Variants in CCDC127 observed in about 807,000 individuals in gnomAD.
CCDC127 encodes coiled-coil domain-containing protein 127.
In CCDC127, 2 loss-of-function variants were observed where a neutral mutation model predicts 4.1. The observed-to-expected ratio is 0.49, with a 90% CI of 0.20 to 1.53. CCDC127 has a LOEUF of 1.53. CCDC127 is among the 40% of genes most tolerant of loss of function. The pLI is 0.23. For synonymous variants in CCDC127, 98 were observed against 120.4 expected (o/e 0.81, Z 1.22); for missense variants, 271 against 322.9 (o/e 0.84, Z 1.23).
Position 205,451 on chromosome 5 carries a change from G to C in CCDC127, c.629C>G (p.Thr210Ser). Residue 210 changes from threonine (T) to serine (S), a missense_variant, in exon 3 of 3, where the codon ACC (threonine) becomes AGC (serine). By Grantham distance (58) the Thr-to-Ser change is moderately conservative. Transcript: ENST00000296824. ...AADLEMAAGL[T>S]DIFQHDTYCG... ...GTATGTATCATGCTGAAATATGTCG[G>C]TGAGACCGGCTGCCATCTCTAGGTC... is the stretch of plus-strand genomic sequence containing the variant. 3 of 1,614,194 alleles carry C rather than the reference G, an allele frequency of 1.9e-6. No individual in the cohort carries two copies. The highest frequency in any genetic ancestry group is 2.5e-6 in the Non-Finnish European group (3 of 1,180,028).
At position 205,968 on chromosome 5, in the gene CCDC127, A is replaced by G; in HGVS notation, c.122-10T>C. The stretch of plus-strand genomic sequence containing the variant: ...CTAGACCAAATCCAACCTGACATGA[A>G]TGAAGAAAAATACACATAATGAAAA... On this transcript the variant is annotated splice_polypyrimidine_tract_variant and intron_variant, in intron 2 of 2. Coordinates refer to ENST00000296824, the MANE Select transcript of CCDC127 (RefSeq NM_145265.3). The G allele has an allele frequency of 6.3e-7, 1 of 1,588,050 alleles. No individual in the cohort carries two copies.
chr5:217,802 A>C lies in CCDC127; in HGVS notation c.-11+291T>G, dbSNP rs1362248453. Among the ~76,000 whole-genome samples, 8 of 152,342 alleles carry C rather than the reference A, an allele frequency of 5.3e-5. No individual in the cohort carries two copies. The South Asian group carries it at 1.7e-3, about 32-fold the overall frequency. The stretch of plus-strand genomic sequence containing the variant: ...ATTTACTGATTTACTGAGTACCTAC[A>C]CGAAGTTTCACATTTTCACAAAGTA... On this transcript the variant is annotated intron_variant, in intron 1 of 2. Coordinates refer to ENST00000296824, the MANE Select transcript of CCDC127 (RefSeq NM_145265.3).
In CCDC127 at chr5:199,263, A is replaced by G. The variant is rs1191410539; in HGVS notation, c.*6034T>C. 2 of 154,328 alleles carry G rather than the reference A, an allele frequency of 1.3e-5. No homozygotes were observed. Among genetic ancestry groups the G allele is most frequent in the Non-Finnish European group, 2.9e-5 (2 of 69,476 alleles). The allele number at this position is 154,328 out of a possible 1,614,324, so 9.6% of individuals were successfully genotyped here. On this transcript the variant is annotated 3_prime_UTR_variant, in exon 3 of 3. Transcript: ENST00000296824. ...ATGATGATACCCTCGCAGGCCAAGGAGATATACGCAGGCCCAGTGGCCCCT... is the reference window on the plus strand; with the variant it reads ...ATGATGATACCCTCGCAGGCCAAGGGGATATACGCAGGCCCAGTGGCCCCT...
intron 2 of CCDC127, among the ~76,000 whole-genome samples, chr5:207,337 C>T (rs1004636262): frequency 1.3e-5 from 2 of 152,156 alleles, no homozygotes; most frequent in African/African-American, 4.8e-5. Context: ...TTATCTCCTC[C>T]CTTTGACGAG....
rs953882531 is a variant in CCDC127, at chr5:197,079, T to C, written c.*8218A>G. 1 of 151,004 alleles carries C rather than the reference T, an allele frequency of 6.6e-6. No individual in the cohort carries two copies. Among genetic ancestry groups the C allele is most frequent in the Non-Finnish European group, 1.5e-5 (1 of 67,764 alleles). The allele number at this position is 151,004 out of a possible 1,614,324, so 9.4% of individuals were successfully genotyped here. On this transcript the variant is annotated 3_prime_UTR_variant, in exon 3 of 3. Transcript: ENST00000296824. Reference sequence around the variant, plus strand: ...TGTCGTAATTAAGTTCAAGGGAAGGTACTATGCCTGGACGTGCACGTAGGC... The same window carrying C: ...TGTCGTAATTAAGTTCAAGGGAAGGCACTATGCCTGGACGTGCACGTAGGC...
chr5:200,564 C>A lies in CCDC127; in HGVS notation c.*4733G>T, dbSNP rs1004186178. On this transcript the variant is annotated 3_prime_UTR_variant, in exon 3 of 3. Transcript: ENST00000296824. ...CAAGTACTCCGAGGCCCCTGAGAGT[C>A]CCTTATTTGTCTTTCTGGTTCTTCT... The A allele has an allele frequency of 6.6e-6, 1 of 152,202 alleles. No homozygotes were observed. The highest frequency in any genetic ancestry group is 2.1e-4 in the South Asian group (1 of 4,826). 9.4% of individuals were successfully genotyped at this position (152,202 alleles called of 1,614,324 possible).
intron 2 of CCDC127, chr5:215,222 C>T (rs573059643): frequency 6.6e-6 from 1 of 152,186 alleles, no homozygotes; most frequent in East Asian, 1.9e-4. Context: ...AGAATCCTTA[C>T]AAGAACACCA....
chr5:208,457 G>A (rs1734219203), intron 2 of CCDC127, among the ~76,000 whole-genome samples: 1 of 152,250 alleles, frequency 6.6e-6, no homozygotes, highest in Non-Finnish European at 1.5e-5. Context: ...TGTTCCGACA[G>A]TAATCACTCT....
At chr5:206,065 T>C in intron 2 of CCDC127, 107 bp from the exon 3 acceptor site, 1 of 1,002,414 alleles carries the variant, frequency 1.0e-6, no homozygotes, top group Non-Finnish European at 1.5e-6. Context: ...AGTAAAAGCT[T>C]AAGACCTCGG....
At chr5:217,086 G>A (rs778908847) in intron 1 of CCDC127, 8 of 406,022 alleles carry the variant, frequency 2.0e-5, no homozygotes, top group African/African-American at 4.2e-5. Context: ...AGTCGAGGTC[G>A]CGCCACTGCA....
At chr5:217,837 TAA>T (rs944283932) in intron 1 of CCDC127, among the ~76,000 whole-genome samples, 2 of 152,258 alleles carry the variant, frequency 1.3e-5, no homozygotes, top group Non-Finnish European at 2.9e-5. Context: ...AGAGTCACTT[TAA>T]GTTTGTTTAC....
chr5:206,040 T>G, intron 2 of CCDC127, 82 bp from the exon 3 acceptor site: 1 of 1,272,982 alleles, frequency 7.9e-7, no homozygotes, highest in Non-Finnish European at 1.1e-6. Flanking sequence ...ATAAGGCAGC[T>G]AAGGATAGTG....
rs1482593469 is a variant in CCDC127 at position 198,102 on chromosome 5, G to A, written c.*7195C>T. Reference sequence around the variant, plus strand: ...CTGGGTTGTAGGGGTTGGGTACCCAGCATGAGTGCCGTACAGGAGCCTGCC... The same window carrying A: ...CTGGGTTGTAGGGGTTGGGTACCCAACATGAGTGCCGTACAGGAGCCTGCC... On this transcript the variant is annotated 3_prime_UTR_variant, in exon 3 of 3. Coordinates refer to ENST00000296824, the MANE Select transcript of CCDC127 (RefSeq NM_145265.3). 1 of 152,370 alleles carries A rather than the reference G, an allele frequency of 6.6e-6. No homozygotes were observed. Among genetic ancestry groups the A allele is most frequent in the Non-Finnish European group, 1.5e-5 (1 of 68,178 alleles). The allele number at this position is 152,370 out of a possible 1,614,324, so 9.4% of individuals were successfully genotyped here.
At chr5:216,001 T>A (rs1406330945) in intron 2 of CCDC127, 2 of 151,286 alleles carry the variant, frequency 1.3e-5, no homozygotes, top group African/African-American at 4.9e-5. Context: ...ATTTCATGGA[T>A]GAAGTCTCCC....
At chr5:215,900 G>C (rs1356744637) in intron 2 of CCDC127, 1 of 151,926 alleles carries the variant, frequency 6.6e-6, no homozygotes, top group Non-Finnish European at 1.5e-5. Flanking sequence ...TGTGTGGTGG[G>C]GATGTAAGTC....
chr5:209,817 C>G (rs1404818945), intron 2 of CCDC127, among the ~76,000 whole-genome samples: 2 of 152,050 alleles, frequency 1.3e-5, no homozygotes, highest in African/African-American at 4.8e-5. Context: ...GTTCAATATT[C>G]AAAAATCAAT....
chr5:213,361 G>A (rs376976609), intron 2 of CCDC127, among the ~76,000 whole-genome samples: 55 of 76,276 alleles, frequency 7.2e-4, no homozygotes, highest in Admixed American at 1.4e-3. Context: ...GCTCGACATC[G>A]CACACTGCAG....
At chr5:214,071 GAA>G (rs1734330584) in intron 2 of CCDC127, 1 of 152,178 alleles carries the variant, frequency 6.6e-6, no homozygotes, top group Admixed American at 6.5e-5. Flanking sequence ...TATGCTGAAT[GAA>G]AAAAGTCAAC....
chr5:197,025 C>CA lies in CCDC127; in HGVS notation c.*8271dup. 1 of 149,252 alleles carries CA rather than the reference C, an allele frequency of 6.7e-6. No individual in the cohort carries two copies. Among genetic ancestry groups the CA allele is most frequent in the Non-Finnish European group, 1.5e-5 (1 of 67,900 alleles). The allele number at this position is 149,252 out of a possible 1,614,324, so 9.2% of individuals were successfully genotyped here. Reference sequence around the variant, plus strand: ...AGCAGGGTGATAATAAGGAGGAGGTCAGCAAAAACGTGTGAGCAAAAGAAT... The same window carrying CA: ...AGCAGGGTGATAATAAGGAGGAGGTCAAGCAAAAACGTGTGAGCAAAAGAAT... On this transcript the variant is annotated 3_prime_UTR_variant, in exon 3 of 3. Transcript: ENST00000296824.
Sources: allele counts gnomAD v4.1 joint callset (sites outside exome capture counted in the v4.1 genomes callset), GRCh38; gene constraint gnomAD v4.1.1; transcripts MANE v1.5; gene names NCBI Gene and HGNC (gene_info 2026-07-23, HGNC 2026-07-21).